HINT3: variants seen among roughly 807,000 people sequenced by gnomAD.
The protein encoded by HINT3 is histidine triad nucleotide binding protein 3, also known as adenosine 5'-monophosphoramidase HINT3.
Under a neutral mutation model 19.1 loss-of-function variants are expected in HINT3, and 16 were observed. That is an observed-to-expected ratio of 0.84 (90% CI 0.57 to 1.27). HINT3 has a LOEUF of 1.27. HINT3 is among the 50% of genes most tolerant of loss of function. The probability of loss-of-function intolerance (pLI) is 0.00; values close to 1 mark genes in which losing one functional copy is unlikely to be tolerated. For synonymous variants in HINT3, 75 were observed against 84.8 expected, an observed-to-expected ratio of 0.88 and a Z score of 0.63; for missense variants, 197 against 225.8, an observed-to-expected ratio of 0.87 and a Z score of 0.82.
At chr6:125,966,832 A>C in intron 1 of HINT3, 55 bp from the exon 2 acceptor site, 1 of 1,150,402 alleles carries the variant, frequency 8.7e-7, no homozygotes, top group Non-Finnish European at 1.3e-6. Context: ...GTCATGCCAG[A>C]ACAGCATTAA....
intron 4 of HINT3, among the ~76,000 whole-genome samples, chr6:125,976,343 T>C (rs1364787193): frequency 1.3e-5 from 2 of 151,870 alleles, no homozygotes; most frequent in African/African-American, 4.8e-5. Context: ...CCCAGGATGT[T>C]GAGTCTGTAG....
intron 1 of HINT3, among the ~76,000 whole-genome samples, chr6:125,963,274 A>C (rs1372604649): frequency 2.0e-5 from 3 of 152,148 alleles, no homozygotes; most frequent in Non-Finnish European, 4.4e-5. Flanking sequence ...GGTATTCAAA[A>C]GGGGGAGGGG....
intron 2 of HINT3, among the ~76,000 whole-genome samples, chr6:125,969,616 C>T (rs1162463313): frequency 3.9e-5 from 6 of 152,020 alleles, no homozygotes; most frequent in South Asian, 2.1e-4. Flanking sequence ...TTCCAGTCCA[C>T]GAGCATAGAA....
intron 2 of HINT3, among the ~76,000 whole-genome samples, chr6:125,967,386 C>T (rs943219399): frequency 9.8e-5 from 13 of 132,438 alleles, no homozygotes; most frequent in South Asian, 7.0e-4. Context: ...GGCTGGAGTG[C>T]GGTGGTGCAA....
At chr6:125,966,056 G>A (rs868745627) in intron 1 of HINT3, among the ~76,000 whole-genome samples, 2 of 152,038 alleles carry the variant, frequency 1.3e-5, no homozygotes, top group Middle Eastern at 3.2e-3. Context: ...TGCTTACACT[G>A]ATTTTAATTA....
intron 1 of HINT3, among the ~76,000 whole-genome samples, chr6:125,961,318 C>T (rs537055581): frequency 2.0e-5 from 3 of 152,276 alleles, no homozygotes; most frequent in East Asian, 1.9e-4. Context: ...GGTTTTCCCC[C>T]ACACACCAAG....
chr6:125,975,584 G>GT (rs397694163), intron 4 of HINT3, among the ~76,000 whole-genome samples: 56 of 145,188 alleles, frequency 3.9e-4, no homozygotes, highest in Non-Finnish European at 5.6e-4. Context: ...CTGAAGAGTT[G>GT]TTTTTTTTTT....
At chr6:125,972,842 A>G (rs1319229415) in intron 3 of HINT3, among the ~76,000 whole-genome samples, 1 of 152,162 alleles carries the variant, frequency 6.6e-6, no homozygotes, top group African/African-American at 2.4e-5. Context: ...CTCCTGCCTC[A>G]GCCTCACACA....
rs575185819 is a variant in HINT3, at chr6:125,959,390, A to T, written c.201+2212A>T. On this transcript the variant is annotated intron_variant, in intron 1 of 4. Transcript: ENST00000229633. ...AACGCTGGAAAGGCTAAGAGAAGGG[A>T]GTATGTCAAAAAGAAAGGAATTGCC... is the stretch of plus-strand genomic sequence containing the variant. Among the ~76,000 whole-genome samples, 55 of 152,322 alleles carry T rather than the reference A, an allele frequency of 3.6e-4. 2 individuals carry two copies. The highest frequency in any genetic ancestry group is 3.1e-3 in the South Asian group (15 of 4,820).
At position 125,956,836 on chromosome 6, in the gene HINT3, C is replaced by T. The variant is rs947218488; in HGVS notation, c.-142C>T. 3.4e-6 allele frequency: 3 copies of T among 878,448 alleles called. No homozygotes were observed. The highest frequency in any genetic ancestry group is 5.1e-6 in the Non-Finnish European group (3 of 589,174). 54.4% of individuals were successfully genotyped at this position (878,448 alleles called of 1,614,324 possible). On this transcript the variant is annotated 5_prime_UTR_variant, in exon 1 of 5. Coordinates refer to ENST00000229633, the MANE Select transcript of HINT3 (RefSeq NM_138571.5). ...AGTTCCTCACCGCGTCTCCTTCCCT[C>T]TCCCCAAAGCCTGGATCACCGCCCA...
rs556917353 is a variant in HINT3 at position 125,974,077 on chromosome 6, A to G, written c.390-770A>G. ...ATCACTGCTGCAGTATAGCACTTCT[A>G]TGCCTCCTTTCCACACTTCCACTCA... On this transcript the variant is annotated intron_variant, in intron 3 of 4. Coordinates refer to ENST00000229633, the MANE Select transcript of HINT3 (RefSeq NM_138571.5). Among the ~76,000 whole-genome samples, 121 of 152,302 alleles carry G rather than the reference A, an allele frequency of 7.9e-4. 1 individual carries two copies. The highest frequency in any genetic ancestry group is 3.4e-3 in the Middle Eastern group (1 of 294).
chr6:125,957,326 C>A, intron 1 of HINT3, 148 bp downstream of exon 1: 1 of 864,026 alleles, frequency 1.2e-6, no homozygotes, highest in Non-Finnish European at 1.7e-6. Flanking sequence ...GTGGATGGGG[C>A]TCGGGGAAGC....
intron 2 of HINT3, among the ~76,000 whole-genome samples, chr6:125,969,136 AG>A (rs1177518451): frequency 1.3e-5 from 2 of 152,154 alleles, no homozygotes; most frequent in African/African-American, 4.8e-5. Flanking sequence ...TTATAGTTTG[AG>A]GTCCTACATT....
At position 125,956,850 on chromosome 6, in the gene HINT3, G is replaced by T. The variant is rs960256971; in HGVS notation, c.-128G>T. On this transcript the variant is annotated 5_prime_UTR_variant, in exon 1 of 5. Transcript: ENST00000229633. ...TCTCCTTCCCTCTCCCCAAAGCCTGGATCACCGCCCAGCGTCAGGCGAGGG... is the reference window on the plus strand; with the variant it reads ...TCTCCTTCCCTCTCCCCAAAGCCTGTATCACCGCCCAGCGTCAGGCGAGGG... The T allele has an allele frequency of 1.0e-6, 1 of 996,548 alleles. No individual in the cohort carries two copies. The highest frequency in any genetic ancestry group is 1.5e-6 in the Non-Finnish European group (1 of 689,198). 61.7% of individuals were successfully genotyped at this position (996,548 alleles called of 1,614,324 possible).
chr6:125,972,431 T>C lies in HINT3; in HGVS notation c.389+103T>C. ...GAAACAGAGGTGGCAGTTTGTGGTT[T>C]AAATGTAGTTTTCCTGAAAGTGAGA... is the stretch of plus-strand genomic sequence containing the variant. On this transcript the variant is annotated intron_variant, in intron 3 of 4. Coordinates refer to ENST00000229633, the MANE Select transcript of HINT3 (RefSeq NM_138571.5). The C allele has an allele frequency of 1.1e-5, 7 of 658,080 alleles. No homozygotes were observed. The South Asian group carries it at 1.6e-4, about 15-fold the overall frequency. 40.8% of individuals were successfully genotyped at this position (658,080 alleles called of 1,614,324 possible).
rs1788838027 is a variant in HINT3, at chr6:125,956,781, G to A, written c.-197G>A. 6.3e-6 allele frequency: 4 copies of A among 631,006 alleles called. No homozygotes were observed. The highest frequency in any genetic ancestry group is 2.7e-6 in the Non-Finnish European group (1 of 367,174). The allele number at this position is 631,006 out of a possible 1,614,324, so 39.1% of individuals were successfully genotyped here. A position where few individuals can be genotyped will look rare whatever the true frequency, so the allele number is the denominator to read the frequency against. On this transcript the variant is annotated 5_prime_UTR_variant, in exon 1 of 5. Coordinates refer to ENST00000229633, the MANE Select transcript of HINT3 (RefSeq NM_138571.5). ...CGCCATTGCGCGCCCTCTAGTGGCA[G>A]CCGGTTTTGAGGCCGGCCTCCGGCT...
chr6:125,976,561 T>C (rs1284660317), intron 4 of HINT3, among the ~76,000 whole-genome samples: 1 of 151,280 alleles, frequency 6.6e-6, no homozygotes, highest in Non-Finnish European at 1.5e-5. Flanking sequence ...GAAAATGCTT[T>C]TTTTTTATAT....
chr6:125,974,075 C>G (rs538668373), intron 3 of HINT3, among the ~76,000 whole-genome samples: 1 of 152,312 alleles, frequency 6.6e-6, no homozygotes, highest in Non-Finnish European at 1.5e-5. Context: ...TATAGCACTT[C>G]TATGCCTCCT....
At chr6:125,976,102 A>G (rs1400931561) in intron 4 of HINT3, among the ~76,000 whole-genome samples, 3 of 152,308 alleles carry the variant, frequency 2.0e-5, no homozygotes, top group South Asian at 4.1e-4. Flanking sequence ...ATCCAATAGT[A>G]TTTATTTATC....
Sources: allele counts gnomAD v4.1 joint callset (sites outside exome capture counted in the v4.1 genomes callset), GRCh38; gene constraint gnomAD v4.1.1; transcripts MANE v1.5; gene names NCBI Gene and HGNC (gene_info 2026-07-23, HGNC 2026-07-21).